The following PLPP2 variants were observed in gnomAD, a reference collection of about 807,000 sequenced individuals.
PLPP2 encodes the protein phospholipid phosphatase 2.
PLPP2 carries 29 observed loss-of-function variants against 35.2 expected under a neutral mutation model. The observed-to-expected ratio is 0.82, with a 90% CI of 0.61 to 1.12. PLPP2 has a LOEUF of 1.12. PLPP2 is among the 50% of genes most tolerant of loss of function. PLPP2 has a pLI of 0.00. For synonymous variants in PLPP2, 162 were observed against 167.0 expected, an observed-to-expected ratio of 0.97 and a Z score of 0.23; for missense variants, 353 against 375.2, an observed-to-expected ratio of 0.94 and a Z score of 0.49.
At chr19:288,888 T>A (rs1302781610) in intron 1 of PLPP2, among the ~76,000 whole-genome samples, 1 of 152,114 alleles carries the variant, frequency 6.6e-6, no homozygotes, top group Admixed American at 6.5e-5. Context: ...AAACATCGGT[T>A]AAAATAAGGC....
At position 287,962 on chromosome 19, in the gene PLPP2, G is replaced by A; in HGVS notation, c.204+58C>T. On this transcript the variant is annotated intron_variant, in intron 2 of 5. Transcript: ENST00000434325. This position sits in a 1 kb window ranked among gnomAD's most constrained non-coding sequence, Gnocchi z 4.3. ...GCCACCCCCCCATCAGGCCCCCAGG[G>A]TAAAGCTGGCCCCACCCCATCCCCC... The A allele has an allele frequency of 4.6e-6, 7 of 1,515,188 alleles. No homozygotes were observed. Among genetic ancestry groups the A allele is most frequent in the South Asian group, 1.2e-5 (1 of 86,228 alleles). 93.9% of individuals were successfully genotyped at this position (1,515,188 alleles called of 1,614,324 possible). A position where few individuals can be genotyped will look rare whatever the true frequency, so the allele number is the denominator to read the frequency against.
At position 287,972 on chromosome 19, in the gene PLPP2, C is replaced by A. The variant is rs1322058378; in HGVS notation, c.204+48G>T. On this transcript the variant is annotated intron_variant, in intron 2 of 5. Transcript: ENST00000434325. This position sits in a 1 kb window ranked among gnomAD's most constrained non-coding sequence, Gnocchi z 4.3. ...CATCAGGCCCCCAGGGTAAAGCTGG[C>A]CCCACCCCATCCCCCTACCCAGTCC... 6 of 1,503,010 alleles carry A rather than the reference C, an allele frequency of 4.0e-6. No homozygotes were observed. The highest frequency in any genetic ancestry group is 5.4e-6 in the Non-Finnish European group (6 of 1,106,470). The allele number at this position is 1,503,010 out of a possible 1,614,324, so 93.1% of individuals were successfully genotyped here. A position where few individuals can be genotyped will look rare whatever the true frequency, so the allele number is the denominator to read the frequency against.
rs959107251 is a variant in PLPP2 at position 282,791 on chromosome 19, T to C, written c.501A>G (p.Gly167=). 1 of 1,613,258 alleles carries C rather than the reference T, an allele frequency of 6.2e-7. No homozygotes were observed. The highest frequency in any genetic ancestry group is 8.5e-7 in the Non-Finnish European group (1 of 1,179,792). The change falls in exon 4 of 6, where the codon GGA becomes GGG. Residue 167 remains glycine (G), a synonymous_variant. Coordinates refer to ENST00000434325, the MANE Select transcript of PLPP2 (RefSeq NM_003712.4). Reference sequence around the variant, plus strand: ...TGCAGTACATCCCAAAGGAAGAGTGTCCCGAGTAGAAAGACAACCTGAGGA... The same window carrying C: ...TGCAGTACATCCCAAAGGAAGAGTGCCCCGAGTAGAAAGACAACCTGAGGA... ...VTEARLSFYS[G]HSSFGMYCMV...
At position 287,846 on chromosome 19, in the gene PLPP2, G is replaced by T; in HGVS notation, c.205-95C>A. 1 of 1,541,062 alleles carries T rather than the reference G, an allele frequency of 6.5e-7. No homozygotes were observed. Among genetic ancestry groups the T allele is most frequent in the Non-Finnish European group, 8.8e-7 (1 of 1,141,326 alleles). On this transcript the variant is annotated intron_variant, in intron 2 of 5. Coordinates refer to ENST00000434325, the MANE Select transcript of PLPP2 (RefSeq NM_003712.4). The surrounding 1 kb of genome is among the most constrained non-coding windows in gnomAD (Gnocchi z 4.3). ...CCTCCCCAAGGCTGCTGGAGAGCTG[G>T]GGACTCTGAAGGGGGCCCTATTACC...
intron 3 of PLPP2, chr19:286,289 T>A (rs1970270771): frequency 6.6e-6 from 1 of 151,758 alleles, no homozygotes; most frequent in Non-Finnish European, 1.5e-5. Flanking sequence ...CTGGGCAACA[T>A]GGTGAGACCC....
chr19:289,697 G>T (rs1010749532), intron 1 of PLPP2, among the ~76,000 whole-genome samples: 3 of 152,034 alleles, frequency 2.0e-5, no homozygotes, highest in African/African-American at 7.2e-5. Context: ...GCGAGACTCT[G>T]TCTCAAGAAA....
chr19:290,958 G>A (rs1246970287), intron 1 of PLPP2: 2 of 1,242,058 alleles, frequency 1.6e-6, no homozygotes, highest in Non-Finnish European at 2.0e-6. Context: ...TCACCTCCCA[G>A]GCCAGGCGGG....
At chr19:289,454 G>T (rs1165916376) in intron 1 of PLPP2, among the ~76,000 whole-genome samples, 1 of 152,214 alleles carries the variant, frequency 6.6e-6, no homozygotes, top group Non-Finnish European at 1.5e-5. Context: ...GGCAGGCCCG[G>T]CGTGGTGGCT....
In PLPP2 at chr19:282,737, G is replaced by A; in HGVS notation, c.540+15C>T. On this transcript the variant is annotated intron_variant, in intron 4 of 5. Transcript: ENST00000434325. ...TGGTTCCCCCGAAAAGCAAGCCCGG[G>A]AGAAACAGACTCACCGCCAAGAACA... 2.5e-6 allele frequency: 4 copies of A among 1,610,886 alleles called. No homozygotes were observed. The highest frequency in any genetic ancestry group is 1.7e-4 in the Middle Eastern group (1 of 6,044).
In PLPP2 at chr19:288,179, G is replaced by C. The variant is rs778787873; in HGVS notation, c.53-8C>G. The C allele has an allele frequency of 1.3e-6, 2 of 1,565,424 alleles. No homozygotes were observed. Among genetic ancestry groups the C allele is most frequent in the East Asian group, 4.5e-5 (2 of 44,126 alleles). ...TAGCGAAGGGCAGGGAGGCTGGTGG[G>C]GAAGAAAAGCCTGGGAGCTGTGAGG... On this transcript the variant is annotated splice_region_variant and splice_polypyrimidine_tract_variant and intron_variant, in intron 1 of 5. Coordinates refer to ENST00000434325, the MANE Select transcript of PLPP2 (RefSeq NM_003712.4).
rs1470772635 is a variant in PLPP2 at position 288,114 on chromosome 19, T to A, written c.110A>T (p.Tyr37Phe). 1 of 1,612,668 alleles carries A rather than the reference T, an allele frequency of 6.2e-7. No individual in the cohort carries two copies. The highest frequency in any genetic ancestry group is 8.5e-7 in the Non-Finnish European group (1 of 1,179,378). ...GTACCGGATGGAGTCATCCCCGCAG[T>A]AAAATCCTCGCTTGTACGGGGCGTT... ...LVNAPYKRGF[Y>F]CGDDSIRYPY... Residue 37 changes from tyrosine to phenylalanine, a missense_variant, in exon 2 of 6, where the codon TAC (tyrosine) becomes TTC (phenylalanine). Transcript: ENST00000434325.
chr19:290,789 C>T (rs1458059446), intron 1 of PLPP2, among the ~76,000 whole-genome samples: 2 of 152,192 alleles, frequency 1.3e-5, no homozygotes. Context: ...GCTGGGCCTC[C>T]CCGCACGTGC....
At chr19:291,215 C>G in intron 1 of PLPP2, 70 bp downstream of exon 1, 7 of 1,590,072 alleles carry the variant, frequency 4.4e-6, no homozygotes, top group Non-Finnish European at 6.0e-6. Flanking sequence ...CCCCTGCAAA[C>G]TTGCGCGCAG....
rs1441112214 is a variant in PLPP2, at chr19:284,768, G to A, written c.483-1959C>T. 3 of 152,176 alleles carry A rather than the reference G, an allele frequency of 2.0e-5. No homozygotes were observed. The East Asian group carries it at 5.8e-4, about 29-fold the overall frequency. 9.4% of individuals were successfully genotyped at this position (152,176 alleles called of 1,614,324 possible). A position where few individuals can be genotyped will look rare whatever the true frequency, so the allele number is the denominator to read the frequency against. ...TTATCTGAAATGAAAAATCACTTGAGGGAGGCTCAATAGCAGGTCTGAGGA... is the reference window on the plus strand; with the variant it reads ...TTATCTGAAATGAAAAATCACTTGAAGGAGGCTCAATAGCAGGTCTGAGGA... On this transcript the variant is annotated intron_variant, in intron 3 of 5. Coordinates refer to ENST00000434325, the MANE Select transcript of PLPP2 (RefSeq NM_003712.4).
rs376789309 is a variant in PLPP2 at position 288,147 on chromosome 19, G to A, written c.77C>T (p.Thr26Met). Reference protein sequence around the residue: ...LVASLPFAILTLVNAPYKRGF... With the variant: ...LVASLPFAILMLVNAPYKRGF... ...TCGCTTGTACGGGGCGTTCACCAGCGTCAGGATAGCGAAGGGCAGGGAGGC... is the reference window on the plus strand; with the variant it reads ...TCGCTTGTACGGGGCGTTCACCAGCATCAGGATAGCGAAGGGCAGGGAGGC... The change falls in exon 2 of 6, where the codon ACG becomes ATG. Residue 26 changes from threonine to methionine, a missense_variant. By Grantham distance (81) the Thr-to-Met change is moderately conservative. Transcript: ENST00000434325. 3.9e-5 allele frequency: 62 copies of A among 1,600,664 alleles called. No individual in the cohort carries two copies. The highest frequency in any genetic ancestry group is 1.1e-4 in the African/African-American group (8 of 74,684).
rs915908991 is a variant in PLPP2, at chr19:287,858, G to C, written c.205-107C>G. The C allele has an allele frequency of 6.6e-7, 1 of 1,523,724 alleles. No individual in the cohort carries two copies. The highest frequency in any genetic ancestry group is 1.4e-5 in the African/African-American group (1 of 72,708). The allele number at this position is 1,523,724 out of a possible 1,614,324, so 94.4% of individuals were successfully genotyped here. On this transcript the variant is annotated intron_variant, in intron 2 of 5. Coordinates refer to ENST00000434325, the MANE Select transcript of PLPP2 (RefSeq NM_003712.4). This position sits in a 1 kb window ranked among gnomAD's most constrained non-coding sequence, Gnocchi z 4.3. Reference sequence around the variant, plus strand: ...TGCTGGAGAGCTGGGGACTCTGAAGGGGGCCCTATTACCCACAGGTACCAC... The same window carrying C: ...TGCTGGAGAGCTGGGGACTCTGAAGCGGGCCCTATTACCCACAGGTACCAC...
At chr19:291,085 C>T (rs1970381649) in intron 1 of PLPP2, 200 bp downstream of exon 1, 2 of 1,333,546 alleles carry the variant, frequency 1.5e-6, no homozygotes, top group South Asian at 3.9e-5. Context: ...GCCTGGGACG[C>T]GGGGACCCCC....
At position 281,520 on chromosome 19, in the gene PLPP2, G is replaced by A; in HGVS notation, c.735C>T (p.Asp245=). 2 of 1,510,354 alleles carry A rather than the reference G, an allele frequency of 1.3e-6. No homozygotes were observed. The highest frequency in any genetic ancestry group is 1.4e-5 in the South Asian group (1 of 73,480). The allele number at this position is 1,510,354 out of a possible 1,614,324, so 93.6% of individuals were successfully genotyped here. The change falls in exon 6 of 6, where the codon GAC becomes GAT. Residue 245 remains aspartate, a synonymous_variant. Transcript: ENST00000434325. ...GCTGTGGGGGTCGGGCTTTGAAGAA[G>A]TCTGAGATGTAGCAGACCTGGTAGA... ...VAALTVCYIS[D]FFKARPPQHC... is the part of the protein sequence containing the mutation.
intron 1 of PLPP2, chr19:290,970 C>A (rs1397765637): frequency 2.4e-6 from 3 of 1,245,966 alleles, no homozygotes; most frequent in South Asian, 3.6e-5. Context: ...CCAGGCGGGG[C>A]GGGATGGAGG....
Sources: gnomAD v4.1 joint callset for allele counts (sites outside exome capture counted in the v4.1 genomes callset) on GRCh38, gnomAD v4.1.1 for gene constraint, Gnocchi (gnomAD v3.1) non-coding constraint, MANE v1.5 for transcripts, NCBI Gene and HGNC (gene_info 2026-07-23, HGNC 2026-07-21) for gene names.